The following KCNB2 variants were observed in gnomAD, a reference collection of about 807,000 sequenced individuals.
KCNB2 encodes the protein potassium voltage-gated channel subfamily B member 2, also known as delayed rectifier potassium channel protein.
A neutral mutation model predicts 61.5 loss-of-function variants in KCNB2; 15 were observed. The observed-to-expected ratio is 0.24, with a 90% CI of 0.16 to 0.38. The LOEUF is 0.38. Among genes scored for constraint, KCNB2 ranks in the 10% least tolerant of loss-of-function variants. KCNB2 has a pLI of 1.00. For missense variants in KCNB2, 828 were observed against 1,125.2 expected (o/e 0.74, Z 3.78); for synonymous variants, 457 against 446.0 (o/e 1.02, Z -0.31).
chr8:72,714,910 A>G (rs1378287818), intron 2 of KCNB2, among the ~76,000 whole-genome samples: 1 of 152,198 alleles, frequency 6.6e-6, no homozygotes, highest in Admixed American at 6.5e-5. Context: ...TGTATTCAGG[A>G]AACCCATCTC....
At chr8:72,560,636 G>A (rs349346) in intron 1 of KCNB2, among the ~76,000 whole-genome samples, 105,214 of 152,032 alleles carry the variant, frequency 0.69, 36,643 homozygotes, top group Admixed American at 0.72. Flanking sequence ...CACTTTTACC[G>A]TCATAATAGA....
intron 2 of KCNB2, among the ~76,000 whole-genome samples, chr8:72,787,233 A>AT (rs1170532877): frequency 7.5e-4 from 112 of 148,534 alleles, no homozygotes; most frequent in South Asian, 1.9e-3. Context: ...CGTCTCTATA[A>AT]TTTTTTTTTT....
chr8:72,916,651 T>A lies in KCNB2; in HGVS notation c.580-19284T>A, dbSNP rs149483314. Among the ~76,000 whole-genome samples, 842 of 152,310 alleles carry A rather than the reference T, an allele frequency of 5.5e-3. 4 individuals are homozygous for A. Among genetic ancestry groups the A allele is most frequent in the Non-Finnish European group, 8.5e-3 (578 of 68,028 alleles). ...CTGGCACCCAAGTTCTTATCTGGCATCCAGGAGGAATGAGGTCACATGAAT... is the reference window on the plus strand; with the variant it reads ...CTGGCACCCAAGTTCTTATCTGGCAACCAGGAGGAATGAGGTCACATGAAT... On this transcript the variant is annotated intron_variant, in intron 2 of 2. Transcript: ENST00000523207.
intron 1 of KCNB2, among the ~76,000 whole-genome samples, chr8:72,547,404 G>T (rs2128976970): frequency 6.6e-6 from 1 of 152,264 alleles, no homozygotes; most frequent in African/African-American, 2.4e-5. Context: ...TCCTCTGATA[G>T]ATCTGGACAA....
intron 2 of KCNB2, among the ~76,000 whole-genome samples, chr8:72,809,140 C>T (rs1809267839): frequency 6.6e-6 from 1 of 152,038 alleles, no homozygotes; most frequent in South Asian, 2.1e-4. Flanking sequence ...GTTATCTTAG[C>T]AATCAGAAAA....
chr8:72,592,316 T>C (rs1807113618), intron 2 of KCNB2, among the ~76,000 whole-genome samples: 1 of 152,228 alleles, frequency 6.6e-6, no homozygotes, highest in Admixed American at 6.5e-5. Flanking sequence ...AATTTAAGAA[T>C]GGCTTTTCTT....
intron 2 of KCNB2, among the ~76,000 whole-genome samples, chr8:72,734,663 C>A (rs917654644): frequency 1.2e-4 from 18 of 152,088 alleles, no homozygotes; most frequent in African/African-American, 4.1e-4. Flanking sequence ...TTGCCATGCC[C>A]CCTGAATGTC....
chr8:72,842,850 CA>C (rs1454194199), intron 2 of KCNB2, among the ~76,000 whole-genome samples: 2 of 152,092 alleles, frequency 1.3e-5, no homozygotes, highest in Non-Finnish European at 2.9e-5. Flanking sequence ...GTCTGGCTAG[CA>C]GTCCATCTAT....
At chr8:72,799,001 C>A (rs1487944945) in intron 2 of KCNB2, among the ~76,000 whole-genome samples, 2 of 152,148 alleles carry the variant, frequency 1.3e-5, no homozygotes, top group African/African-American at 4.8e-5. Flanking sequence ...TCTCTGGGGG[C>A]ATTATCACTG....
chr8:72,552,726 TCTGTCCA>T (rs1806363860), intron 1 of KCNB2, among the ~76,000 whole-genome samples: 1 of 152,244 alleles, frequency 6.6e-6, no homozygotes, highest in Non-Finnish European at 1.5e-5. Context: ...ATCTCTTGTT[TCTGTCCA>T]CTGGCACTGT....
rs191910678 is a variant in KCNB2, at chr8:72,898,318, G to A, written c.580-37617G>A. 6.0e-4 allele frequency among the ~76,000 whole-genome samples: 92 copies of A among 152,144 alleles called. No homozygotes were observed. In the East Asian group the frequency reaches 0.015, roughly 24 times the overall value. On this transcript the variant is annotated intron_variant, in intron 2 of 2. Coordinates refer to ENST00000523207, the MANE Select transcript of KCNB2 (RefSeq NM_004770.3). The stretch of plus-strand genomic sequence containing the variant: ...GGGGTAGGGGAAGGGGGGAGGGATA[G>A]CATTAGGAGATATACCTAATGTTAA...
At chr8:72,589,427 A>T (rs1362701709) in intron 2 of KCNB2, among the ~76,000 whole-genome samples, 2 of 152,196 alleles carry the variant, frequency 1.3e-5, no homozygotes, top group Admixed American at 1.3e-4. Flanking sequence ...TCAGTATGTG[A>T]GTTAGAACAG....
intron 2 of KCNB2, among the ~76,000 whole-genome samples, chr8:72,888,734 G>A (rs1015628030): frequency 9.2e-5 from 14 of 151,954 alleles, no homozygotes; most frequent in Non-Finnish European, 1.5e-4. Context: ...TAAAACTATG[G>A]GATATAGACT....
At chr8:72,622,121 GATAA>G in intron 2 of KCNB2, among the ~76,000 whole-genome samples, 1 of 152,140 alleles carries the variant, frequency 6.6e-6, no homozygotes, top group Non-Finnish European at 1.5e-5. Context: ...GGGATAAATT[GATAA>G]ATAAGATAAC....
chr8:72,693,247 G>T (rs1563561437), intron 2 of KCNB2, among the ~76,000 whole-genome samples: 2 of 152,158 alleles, frequency 1.3e-5, no homozygotes, highest in East Asian at 3.8e-4. Flanking sequence ...GGTGGGCAGG[G>T]CTTGGGAGCA....
At chr8:72,803,629 G>T (rs1366222165) in intron 2 of KCNB2, among the ~76,000 whole-genome samples, 2 of 152,106 alleles carry the variant, frequency 1.3e-5, no homozygotes, top group Non-Finnish European at 2.9e-5. Flanking sequence ...TGAGATTACG[G>T]GTCTGAAAGA....
chr8:72,682,127 G>A (rs1249216792), intron 2 of KCNB2, among the ~76,000 whole-genome samples: 2 of 152,052 alleles, frequency 1.3e-5, no homozygotes, highest in African/African-American at 2.4e-5. Context: ...CTGATTATAC[G>A]ATTTGTATGT....
intron 2 of KCNB2, among the ~76,000 whole-genome samples, chr8:72,596,001 AGCAATATG>A (rs1726463679): frequency 1.3e-5 from 2 of 152,154 alleles, no homozygotes. Context: ...CTCAAGAACA[AGCAATATG>A]TCTACCATGT....
chr8:72,791,381 C>T (rs1808940111), intron 2 of KCNB2, among the ~76,000 whole-genome samples: 1 of 152,006 alleles, frequency 6.6e-6, no homozygotes, highest in Non-Finnish European at 1.5e-5. Flanking sequence ...AAGACCCTAT[C>T]TCTACAAAAA....
Sources: allele counts gnomAD v4.1 joint callset (sites outside exome capture counted in the v4.1 genomes callset), GRCh38; gene constraint gnomAD v4.1.1; transcripts MANE v1.5; gene names NCBI Gene and HGNC (gene_info 2026-07-23, HGNC 2026-07-21).